AGPS: variants seen among roughly 807,000 people sequenced by gnomAD.
AGPS encodes the protein alkylglycerone phosphate synthase.
In AGPS, 26 loss-of-function variants were observed where a neutral mutation model predicts 90.7. The observed-to-expected ratio is 0.29, with a 90% CI of 0.21 to 0.40. AGPS has a LOEUF of 0.40. Ranked by LOEUF, AGPS falls within the 10% of genes least tolerant of loss-of-function variation. The pLI is 1.00. For missense variants in AGPS, 540 were observed against 816.1 expected, an observed-to-expected ratio of 0.66 and a Z score of 4.12; for synonymous variants, 294 against 285.3, an observed-to-expected ratio of 1.03 and a Z score of -0.31.
intron 19 of AGPS, among the ~76,000 whole-genome samples, chr2:177,526,592 T>C (rs1241169393): frequency 3.3e-5 from 5 of 152,326 alleles, no homozygotes; most frequent in Admixed American, 1.3e-4. Flanking sequence ...CTAGGCAATA[T>C]GGTTTCAAAG....
intron 2 of AGPS, among the ~76,000 whole-genome samples, chr2:177,426,650 A>T (rs896512845): frequency 1.3e-5 from 2 of 152,112 alleles, no homozygotes; most frequent in African/African-American, 2.4e-5. Context: ...TGAGATAATC[A>T]TGTGGTTTTT....
chr2:177,487,706 G>C (rs1037311833), intron 11 of AGPS, among the ~76,000 whole-genome samples: 1 of 151,808 alleles, frequency 6.6e-6, no homozygotes, highest in East Asian at 1.9e-4. Context: ...TGTGTCATGC[G>C]TTTTTTTCTC....
At chr2:177,431,413 TAAAC>T (rs923125613) in intron 2 of AGPS, among the ~76,000 whole-genome samples, 6 of 152,272 alleles carry the variant, frequency 3.9e-5, no homozygotes, top group African/African-American at 1.2e-4. Context: ...ATAAACATCT[TAAAC>T]AACAGAAAAC....
At chr2:177,509,665 CA>C (rs59032397) in intron 16 of AGPS, among the ~76,000 whole-genome samples, 95,995 of 120,408 alleles carry the variant, frequency 0.8, 37,157 homozygotes, top group East Asian at 0.93. Context: ...GACTCCATCT[CA>C]AAAAAAAAAA....
At chr2:177,505,200 CAT>C (rs1244971903) in intron 14 of AGPS, among the ~76,000 whole-genome samples, 10 of 151,944 alleles carry the variant, frequency 6.6e-5, no homozygotes, top group African/African-American at 2.4e-4. Flanking sequence ...ACAGTAATAA[CAT>C]ATGAATATAT....
At chr2:177,479,097 A>G (rs1246126284) in intron 10 of AGPS, among the ~76,000 whole-genome samples, 2 of 152,176 alleles carry the variant, frequency 1.3e-5, no homozygotes, top group African/African-American at 4.8e-5. Flanking sequence ...GGGTGGGGAC[A>G]ATGGCATGTT....
chr2:177,519,331 T>C (rs1689114204), intron 17 of AGPS, among the ~76,000 whole-genome samples: 1 of 152,190 alleles, frequency 6.6e-6, no homozygotes, highest in African/African-American at 2.4e-5. Flanking sequence ...CATTTAGGTA[T>C]GCCTTTCCAG....
chr2:177,432,182 G>T (rs1231348230), intron 2 of AGPS, among the ~76,000 whole-genome samples: 2 of 152,122 alleles, frequency 1.3e-5, no homozygotes, highest in Non-Finnish European at 2.9e-5. Flanking sequence ...TTTCCATGTA[G>T]AATGATTTCA....
chr2:177,426,710 T>G (rs1178487429), intron 2 of AGPS, among the ~76,000 whole-genome samples: 1 of 151,994 alleles, frequency 6.6e-6, no homozygotes, highest in Non-Finnish European at 1.5e-5. Context: ...TTTGCATATG[T>G]TGAACCAACC....
intron 1 of AGPS, among the ~76,000 whole-genome samples, chr2:177,395,373 G>C: frequency 6.6e-6 from 1 of 152,218 alleles, no homozygotes; most frequent in East Asian, 1.9e-4. Context: ...CCCATTTGTT[G>C]CATAGGTTAC....
At chr2:177,481,581 C>G (rs1687946860) in intron 10 of AGPS, among the ~76,000 whole-genome samples, 1 of 151,704 alleles carries the variant, frequency 6.6e-6, no homozygotes, top group South Asian at 2.1e-4. Context: ...GGAAAAAAAG[C>G]AAGATAATAT....
intron 19 of AGPS, among the ~76,000 whole-genome samples, chr2:177,525,208 G>A (rs1290083994): frequency 2.0e-5 from 3 of 152,172 alleles, no homozygotes; most frequent in Non-Finnish European, 4.4e-5. Context: ...AAATTTGAAT[G>A]AGGAGTTACT....
intron 1 of AGPS, among the ~76,000 whole-genome samples, chr2:177,399,685 A>C (rs1008338429): frequency 1.3e-5 from 2 of 152,192 alleles, no homozygotes; most frequent in African/African-American, 4.8e-5. Flanking sequence ...TGCAGAATGA[A>C]CACATCTATT....
At chr2:177,431,276 C>CAAAGATCACATGCTTCAAAGGGCAAT (rs1178164247) in intron 2 of AGPS, among the ~76,000 whole-genome samples, 15 of 152,078 alleles carry the variant, frequency 9.9e-5, no homozygotes, top group African/African-American at 3.4e-4. Flanking sequence ...GAGTAGGTCA[C>CAAAGATCACATGCTTCAAAGGGCAAT]AAAGATCACA....
chr2:177,526,313 A>G (rs1574033870), intron 19 of AGPS, among the ~76,000 whole-genome samples: 1 of 143,446 alleles, frequency 7.0e-6, no homozygotes, highest in Non-Finnish European at 1.5e-5. Context: ...CACTGCAACC[A>G]CTGCCTCCCA....
intron 7 of AGPS, among the ~76,000 whole-genome samples, chr2:177,444,732 C>T (rs1686720691): frequency 6.6e-6 from 1 of 152,226 alleles, no homozygotes; most frequent in South Asian, 2.1e-4. Context: ...AAGAAAGCTT[C>T]CCTGGGATCC....
chr2:177,488,112 A>G (rs1688148133), intron 11 of AGPS, among the ~76,000 whole-genome samples: 1 of 152,154 alleles, frequency 6.6e-6, no homozygotes, highest in African/African-American at 2.4e-5. Context: ...TGTGATACCA[A>G]CTCTGACTTA....
chr2:177,519,130 A>G (rs1337161105), intron 17 of AGPS, among the ~76,000 whole-genome samples: 2 of 151,998 alleles, frequency 1.3e-5, no homozygotes, highest in Admixed American at 6.6e-5. Context: ...TGATGTCAGA[A>G]TTGTAGTTAT....
intron 17 of AGPS, among the ~76,000 whole-genome samples, 155 bp from the exon 18 acceptor site, chr2:177,521,114 G>C (rs1184834192): frequency 6.6e-6 from 1 of 152,202 alleles, no homozygotes; most frequent in Non-Finnish European, 1.5e-5. Context: ...TCTAAAGCAA[G>C]CCAATGTGTA....
Sources: gnomAD v4.1 joint callset for allele counts (sites outside exome capture counted in the v4.1 genomes callset) on GRCh38, gnomAD v4.1.1 for gene constraint, MANE v1.5 for transcripts, NCBI Gene and HGNC (gene_info 2026-07-23, HGNC 2026-07-21) for gene names.